HDGFL3: variants seen among roughly 807,000 people sequenced by gnomAD.
The protein encoded by HDGFL3 is HDGF like 3, also known as hepatoma-derived growth factor-related protein 3.
Under a neutral mutation model 27.6 loss-of-function variants are expected in HDGFL3, and 6 were observed. That is an observed-to-expected ratio of 0.22 (90% confidence interval 0.12 to 0.43). The LOEUF (loss-of-function observed/expected upper bound fraction) is 0.43. HDGFL3 is among the 20% of genes least tolerant of loss of function. The pLI is 1.00. For synonymous variants in HDGFL3, 88 were observed against 88.9 expected (o/e 0.99, Z 0.05); for missense variants, 207 against 250.1 (o/e 0.83, Z 1.16).
chr15:83,175,012 G>A (rs2037291560), intron 1 of HDGFL3, among the ~76,000 whole-genome samples: 1 of 152,174 alleles, frequency 6.6e-6, no homozygotes, highest in East Asian at 1.9e-4. Flanking sequence ...AATGACTTCT[G>A]TGAAAAGAAT....
chr15:83,178,820 T>C (rs1227526418), intron 1 of HDGFL3, among the ~76,000 whole-genome samples: 1 of 152,216 alleles, frequency 6.6e-6, no homozygotes, highest in Admixed American at 6.5e-5. Flanking sequence ...GTTAAATCAG[T>C]GATTAATTCT....
In HDGFL3 at chr15:83,186,493, T is replaced by C. The variant is rs1172819087; in HGVS notation, c.84+20838A>G. On this transcript the variant is annotated intron_variant, in intron 1 of 5. Coordinates refer to ENST00000299633, the MANE Select transcript of HDGFL3 (RefSeq NM_016073.4). ...TAAGACAGCAAAAGAACATAGATGT[T>C]CAAATAGAAGTTAATGAAGAGCACA... 2.0e-5 allele frequency among the ~76,000 whole-genome samples: 3 copies of C among 152,184 alleles called. No individual in the cohort carries two copies. The East Asian group carries it at 5.8e-4, about 29-fold the overall frequency.
chr15:83,187,341 T>C (rs2037456788), intron 1 of HDGFL3, among the ~76,000 whole-genome samples: 1 of 146,142 alleles, frequency 6.8e-6, no homozygotes, highest in Non-Finnish European at 1.5e-5. Context: ...GTTTTTTTTT[T>C]GTGTGTGTGT....
In HDGFL3 at chr15:83,200,853, ATTCT is replaced by A. The variant is rs1296426315; in HGVS notation, c.84+6474_84+6477del. 1.9e-3 allele frequency among the ~76,000 whole-genome samples: 196 copies of A among 105,004 alleles called. 1 individual carries two copies. The highest frequency in any genetic ancestry group is 6.8e-3 in the African/African-American group (181 of 26,534). 68.9% of individuals were successfully genotyped at this position (105,004 alleles called of 152,430 possible). ...TGCTCACCAATCATTAGATTACTTT[ATTCT>A]TTTTTTTTTTTTTTTTTTCACTTCT... On this transcript the variant is annotated intron_variant, in intron 1 of 5. Coordinates refer to ENST00000299633, the MANE Select transcript of HDGFL3 (RefSeq NM_016073.4).
chr15:83,202,777 T>G (rs531448215), intron 1 of HDGFL3, among the ~76,000 whole-genome samples: 114 of 152,224 alleles, frequency 7.5e-4, no homozygotes, highest in Middle Eastern at 6.8e-3. Context: ...TTCCAGTGCC[T>G]TCTCCTATTC....
At chr15:83,145,269 G>A (rs1313961802) in intron 5 of HDGFL3, among the ~76,000 whole-genome samples, 3 of 151,836 alleles carry the variant, frequency 2.0e-5, no homozygotes, top group African/African-American at 7.3e-5. Flanking sequence ...GTCCTTTTAC[G>A]GCCTCATTTC....
At chr15:83,206,332 A>G (rs1471921889) in intron 1 of HDGFL3, among the ~76,000 whole-genome samples, 1 of 152,208 alleles carries the variant, frequency 6.6e-6, no homozygotes, top group African/African-American at 2.4e-5. Flanking sequence ...CCTAAAGAAT[A>G]CCAATATAAT....
chr15:83,192,980 T>C (rs2037530037), intron 1 of HDGFL3, among the ~76,000 whole-genome samples: 1 of 152,242 alleles, frequency 6.6e-6, no homozygotes, highest in South Asian at 2.1e-4. Context: ...TCCTGTTCTA[T>C]TCCATGTAAC....
At chr15:83,156,115 A>G (rs1315810932) in intron 4 of HDGFL3, among the ~76,000 whole-genome samples, 1 of 152,148 alleles carries the variant, frequency 6.6e-6, no homozygotes, top group East Asian at 1.9e-4. Context: ...CCCCTTGGTC[A>G]TGATTCTCCA....
At chr15:83,199,858 T>G (rs574152196) in intron 1 of HDGFL3, among the ~76,000 whole-genome samples, 1 of 146,910 alleles carries the variant, frequency 6.8e-6, no homozygotes, top group African/African-American at 2.5e-5. Flanking sequence ...CTGGCCTAGA[T>G]AGTAAAACCC....
At chr15:83,160,873 G>A (rs557891904) in intron 2 of HDGFL3, among the ~76,000 whole-genome samples, 2 of 152,202 alleles carry the variant, frequency 1.3e-5, no homozygotes, top group African/African-American at 4.8e-5. Context: ...ACCCCAGAGC[G>A]GTTTAAGAAG....
downstream of HDGFL3, chr15:83,126,637 A>C (rs2035771203): frequency 1.3e-6 from 1 of 773,306 alleles, no homozygotes; most frequent in Non-Finnish European, 2.1e-6. Context: ...TCTACAATGC[A>C]TACGTTTTGT....
In HDGFL3 at chr15:83,207,255, G is replaced by A; in HGVS notation, c.84+76C>T. Reference sequence around the variant, plus strand: ...CTGCGGGCTCGGGGCTGAGGCGATGGGGAAAGGGGGCGGGCGCGCCATCAT... The same window carrying A: ...CTGCGGGCTCGGGGCTGAGGCGATGAGGAAAGGGGGCGGGCGCGCCATCAT... On this transcript the variant is annotated intron_variant, in intron 1 of 5. Transcript: ENST00000299633. The surrounding 1 kb of genome is among the most constrained non-coding windows in gnomAD (Gnocchi z 4.8). 2.8e-6 allele frequency: 3 copies of A among 1,056,792 alleles called. No homozygotes were observed. The highest frequency in any genetic ancestry group is 7.0e-4 in the Middle Eastern group (2 of 2,876). The allele number at this position is 1,056,792 out of a possible 1,614,324, so 65.5% of individuals were successfully genotyped here.
intron 4 of HDGFL3, among the ~76,000 whole-genome samples, chr15:83,152,206 G>T (rs1469268769): frequency 6.6e-6 from 1 of 152,236 alleles, no homozygotes; most frequent in Non-Finnish European, 1.5e-5. Flanking sequence ...TTCCAGAAAT[G>T]AATGAGCAAA....
chr15:83,124,678 C>G (rs2035570009), downstream of HDGFL3: 1 of 1,613,744 alleles, frequency 6.2e-7, no homozygotes, highest in Non-Finnish European at 8.5e-7. Flanking sequence ...TTAGGTTATT[C>G]AAGAAGCCCA....
chr15:83,167,084 G>C (rs1218275264), intron 1 of HDGFL3, among the ~76,000 whole-genome samples: 2 of 152,120 alleles, frequency 1.3e-5, no homozygotes, highest in African/African-American at 4.8e-5. Context: ...GTGGCAGCTT[G>C]GATAAGAAAA....
chr15:83,124,330 T>C (rs2035539484), downstream of HDGFL3, among the ~76,000 whole-genome samples: 1 of 152,192 alleles, frequency 6.6e-6, no homozygotes, highest in Non-Finnish European at 1.5e-5. Context: ...TTTACATGTA[T>C]TACTGGAAAA....
downstream of HDGFL3, chr15:83,126,661 A>G (rs1032970017): frequency 2.2e-5 from 21 of 954,684 alleles, no homozygotes; most frequent in Non-Finnish European, 3.4e-5. Context: ...ACAGCAAAGC[A>G]GCTTGTGACT....
intron 1 of HDGFL3, among the ~76,000 whole-genome samples, chr15:83,169,448 G>GAAAGA (rs1161437430): frequency 1.4e-5 from 1 of 69,438 alleles, no homozygotes; most frequent in Non-Finnish European, 2.9e-5. Flanking sequence ...AAAAAAAAAA[G>GAAAGA]AAAGAAAAGA....
Sources: allele counts gnomAD v4.1 joint callset (sites outside exome capture counted in the v4.1 genomes callset), GRCh38; gene constraint gnomAD v4.1.1; non-coding constraint Gnocchi (gnomAD v3.1); transcripts MANE v1.5; gene names NCBI Gene and HGNC (gene_info 2026-07-23, HGNC 2026-07-21).